Variants in SLC14A2 observed in about 807,000 individuals in gnomAD.
The protein encoded by SLC14A2 is urea transporter 2.
SLC14A2 carries 91 observed loss-of-function variants against 104.6 expected under a neutral mutation model. That is an observed-to-expected ratio of 0.87 (90% CI 0.73 to 1.04). The LOEUF (loss-of-function observed/expected upper bound fraction) is 1.04. Ranked by LOEUF, SLC14A2 falls within the 50% of genes least tolerant of loss-of-function variation. The pLI, the probability that SLC14A2 is intolerant of heterozygous loss-of-function variation, is 0.00. For missense variants in SLC14A2, 1,189 were observed against 1,156.0 expected, an observed-to-expected ratio of 1.03 and a Z score of -0.41; for synonymous variants, 476 against 466.4, an observed-to-expected ratio of 1.02 and a Z score of -0.27.
chr18:45,387,243 G>A (rs1333901719), intron 1 of SLC14A2, among the ~76,000 whole-genome samples: 1 of 152,078 alleles, frequency 6.6e-6, no homozygotes, highest in East Asian at 1.9e-4. Context: ...GTCAAAATAG[G>A]CAAGGTTCTG....
chr18:45,247,497 T>G (rs2084378450), intron 1 of SLC14A2, among the ~76,000 whole-genome samples: 1 of 152,172 alleles, frequency 6.6e-6, no homozygotes, highest in East Asian at 1.9e-4. Context: ...GGAGAGAGAT[T>G]TGTTTTACAA....
At chr18:45,681,851 A>G (rs2046313826) in intron 19 of SLC14A2, among the ~76,000 whole-genome samples, 1 of 152,222 alleles carries the variant, frequency 6.6e-6, no homozygotes, top group African/African-American at 2.4e-5. Flanking sequence ...TATAGGAAGC[A>G]GTGTTTGAGT....
At chr18:45,360,633 A>G (rs2085601227) in intron 1 of SLC14A2, among the ~76,000 whole-genome samples, 2 of 152,192 alleles carry the variant, frequency 1.3e-5, no homozygotes, top group Admixed American at 6.5e-5. Context: ...GAAGATGCCC[A>G]TTGTGTGTTT....
At chr18:45,348,867 T>G (rs968567770) in intron 1 of SLC14A2, among the ~76,000 whole-genome samples, 2 of 152,236 alleles carry the variant, frequency 1.3e-5, no homozygotes, top group African/African-American at 4.8e-5. Flanking sequence ...TTTCTTTGCA[T>G]GCAGACCAGT....
chr18:45,262,165 A>T (rs1240836285), intron 1 of SLC14A2, among the ~76,000 whole-genome samples: 1 of 152,196 alleles, frequency 6.6e-6, no homozygotes, highest in African/African-American at 2.4e-5. Flanking sequence ...CCAGTGATGA[A>T]TCCAAAATAA....
chr18:45,528,882 A>G (rs75078824), intron 2 of SLC14A2: 5 of 152,314 alleles, frequency 3.3e-5, no homozygotes, highest in African/African-American at 4.8e-5. Context: ...CCAATAAACT[A>G]TGTATGGTAA....
intron 2 of SLC14A2, among the ~76,000 whole-genome samples, chr18:45,499,281 G>A (rs937309051): frequency 1.3e-5 from 2 of 152,096 alleles, no homozygotes; most frequent in Admixed American, 6.5e-5. Context: ...ATCTCAAAAG[G>A]TCCCTAAATT....
chr18:45,457,287 A>G (rs976332727), intron 1 of SLC14A2, among the ~76,000 whole-genome samples: 23 of 152,144 alleles, frequency 1.5e-4, no homozygotes, highest in African/African-American at 7.2e-5. Flanking sequence ...TTGCTGGACA[A>G]TGGTTCCTGA....
At chr18:45,209,231 T>C (rs2083941497), upstream of SLC14A2, among the ~76,000 whole-genome samples, 1 of 147,208 alleles carries the variant, frequency 6.8e-6, no homozygotes, top group African/African-American at 2.5e-5. Context: ...TAGTCCTAGC[T>C]ACTCGGGAGG....
intron 2 of SLC14A2, among the ~76,000 whole-genome samples, chr18:45,513,894 T>C (rs1015020272): frequency 5.9e-5 from 9 of 152,168 alleles, no homozygotes; most frequent in Admixed American, 1.3e-4. Context: ...TAAGGAAACA[T>C]CTCCACCTCC....
At position 45,324,858 on chromosome 18, in the gene SLC14A2, T is replaced by A. The variant is rs537735131; in HGVS notation, c.-125+111667T>A. ...TTCTCTGTTGCAATATGTTGGAATA[T>A]GTTTCAACGCCGTAACTCGAGATCT... is the stretch of plus-strand genomic sequence containing the variant. On this transcript the variant is annotated intron_variant, in intron 1 of 20. Transcript: ENST00000586448. Among the ~76,000 whole-genome samples the A allele has an allele frequency of 2.6e-5, 4 of 152,220 alleles. No individual in the cohort carries two copies. In the South Asian group the frequency reaches 8.3e-4, roughly 32 times the overall value.
chr18:45,523,410 A>G (rs1027003724), intron 2 of SLC14A2, among the ~76,000 whole-genome samples: 8 of 150,088 alleles, frequency 5.3e-5, no homozygotes, highest in African/African-American at 7.4e-5. Context: ...GCTCACTGCA[A>G]CCTCCGGCTC....
Position 45,480,324 on chromosome 18 carries a change from A to C in SLC14A2, c.-124-2909A>C, listed in dbSNP as rs527959379. Among the ~76,000 whole-genome samples the C allele has an allele frequency of 6.6e-5, 10 of 151,948 alleles. No individual in the cohort carries two copies. The South Asian group carries it at 2.1e-3, about 32-fold the overall frequency. On this transcript the variant is annotated intron_variant, in intron 1 of 20. Transcript: ENST00000586448. ...ATTATTTTCTTTCTTTTCTTTCTTC[A>C]CCTTGAGTTTCCAGACCTCTTCAAA...
chr18:45,592,477 G>T (rs995812169), intron 2 of SLC14A2, among the ~76,000 whole-genome samples: 3 of 152,132 alleles, frequency 2.0e-5, no homozygotes, highest in Non-Finnish European at 4.4e-5. Flanking sequence ...CCCATTCCCA[G>T]TCCCATCTTG....
At chr18:45,201,084 T>G in the SLC14A2 span, among the ~76,000 whole-genome samples, 1 of 152,090 alleles carries the variant, frequency 6.6e-6, no homozygotes, top group African/African-American at 2.4e-5. Context: ...TTCTGTAAAT[T>G]TGTCTCATGT....
At chr18:45,651,482 C>G (rs1298519350) in intron 10 of SLC14A2, among the ~76,000 whole-genome samples, 1 of 152,160 alleles carries the variant, frequency 6.6e-6, no homozygotes, top group Admixed American at 6.5e-5. Context: ...AGGGAGTGCA[C>G]TAGGTACGAG....
At chr18:45,438,505 AAGAGCAAAAGTG>A (rs542379648) in intron 1 of SLC14A2, among the ~76,000 whole-genome samples, 162 of 152,292 alleles carry the variant, frequency 1.1e-3, no homozygotes, top group African/African-American at 3.5e-3. Context: ...GTGCAAGAGA[AAGAGCAAAAGTG>A]AGAGCAAAAG....
intron 1 of SLC14A2, among the ~76,000 whole-genome samples, chr18:45,360,334 G>C (rs1277929470): frequency 6.6e-6 from 1 of 152,200 alleles, no homozygotes; most frequent in African/African-American, 2.4e-5. Flanking sequence ...AAAACAGAAA[G>C]AGACTCAAGG....
At chr18:45,519,398 C>T (rs1477866720) in intron 2 of SLC14A2, among the ~76,000 whole-genome samples, 1 of 152,150 alleles carries the variant, frequency 6.6e-6, no homozygotes, top group African/African-American at 2.4e-5. Flanking sequence ...CAGGCATGAC[C>T]CTCAGGGGAA....
Sources: allele counts gnomAD v4.1 joint callset (sites outside exome capture counted in the v4.1 genomes callset), GRCh38; gene constraint gnomAD v4.1.1; transcripts MANE v1.5; gene names NCBI Gene and HGNC (gene_info 2026-07-23, HGNC 2026-07-21).